POLQ: variants seen among roughly 807,000 people sequenced by gnomAD.
POLQ encodes DNA polymerase theta.
POLQ carries 233 observed loss-of-function variants against 259.2 expected under a neutral mutation model. The ratio of observed to expected loss-of-function variants is 0.90; its 90% CI spans 0.81 to 1.00. The LOEUF (loss-of-function observed/expected upper bound fraction) is 1.00, where lower values mean the gene tolerates loss of function less well. Ranked by LOEUF, POLQ falls within the 50% of genes least tolerant of loss-of-function variation. POLQ has a pLI of 0.00. For missense variants in POLQ, 2,871 were observed against 3,051.6 expected, an observed-to-expected ratio of 0.94 and a Z score of 1.39; for synonymous variants, 1,025 against 1,048.8, an observed-to-expected ratio of 0.98 and a Z score of 0.44.
chr3:121,444,022 T>TA (rs2047613822), intron 26 of POLQ, among the ~76,000 whole-genome samples: 1 of 152,182 alleles, frequency 6.6e-6, no homozygotes. Flanking sequence ...GTAATGTGAT[T>TA]TCTCCAGTTT....
Position 121,432,332 on chromosome 3 carries a change from C to T in POLQ, c.7745G>A (p.Trp2582Ter), listed in dbSNP as rs2047500869. ...CACATCAAAGTCCTTTAGCTCTCCC[C>T]AGCTGGCGCCTATTTTCACTTTCAC... ...LKVKVKIGAS[W>*]GELKDFDV The change falls in exon 30 of 30, where the codon TGG becomes TAG. Residue 2582 changes from tryptophan (W) to a stop codon, truncating the protein, a stop_gained. Transcript: ENST00000264233. LOFTEE classifies it high-confidence loss of function. The T allele has an allele frequency of 6.2e-7, 1 of 1,607,052 alleles. No homozygotes were observed. Among genetic ancestry groups the T allele is most frequent in the Non-Finnish European group, 8.5e-7 (1 of 1,176,766 alleles).
chr3:121,509,964 C>A, intron 11 of POLQ, 75 bp downstream of exon 11: 1 of 1,165,748 alleles, frequency 8.6e-7, no homozygotes. Context: ...AAGACAATTT[C>A]CATTCACTGA....
At chr3:121,509,842 TG>T in intron 11 of POLQ, 139 bp from the exon 12 acceptor site, 1 of 911,964 alleles carries the variant, frequency 1.1e-6, no homozygotes, top group Non-Finnish European at 1.7e-6. Context: ...AGCATGAAAA[TG>T]TATGAGCAGG....
Position 121,539,418 on chromosome 3 carries a change from T to C in POLQ, c.631+15A>G, listed in dbSNP as rs2048473031. On this transcript the variant is annotated intron_variant, in intron 4 of 29. Coordinates refer to ENST00000264233, the MANE Select transcript of POLQ (RefSeq NM_199420.4). ...TAGCAATAGAAAGTATTTACTTATT[T>C]TCTAACTTTCTTACCTAACAGATCC... The C allele has an allele frequency of 1.9e-6, 3 of 1,572,010 alleles. No homozygotes were observed. Among genetic ancestry groups the C allele is most frequent in the South Asian group, 2.3e-5 (2 of 86,220 alleles).
chr3:121,488,526 T>A lies in POLQ; in HGVS notation c.4405A>T (p.Thr1469Ser). Reference sequence around the variant, plus strand: ...GGAAGACATTCTCCTTCTACACCAGTGGGAGTTCTCTTTTGAGGAATCAGA... The same window carrying A: ...GGAAGACATTCTCCTTCTACACCAGAGGGAGTTCTCTTTTGAGGAATCAGA... Reference protein sequence around the residue: ...ILLIPQKRTPTGVEGECLPVP... With the variant: ...ILLIPQKRTPSGVEGECLPVP... The change falls in exon 16 of 30, where the codon ACT becomes TCT. Residue 1469 changes from threonine to serine, a missense_variant. By Grantham distance (58) the Thr-to-Ser change is moderately conservative. Transcript: ENST00000264233. 2 of 1,611,098 alleles carry A rather than the reference T, an allele frequency of 1.2e-6. No homozygotes were observed. Among genetic ancestry groups the A allele is most frequent in the Non-Finnish European group, 1.7e-6 (2 of 1,179,036 alleles).
chr3:121,535,127 G>A (rs907638750), intron 5 of POLQ, among the ~76,000 whole-genome samples: 1 of 152,100 alleles, frequency 6.6e-6, no homozygotes, highest in Non-Finnish European at 1.5e-5. Context: ...TTATCTGCTT[G>A]TTCTATCACA....
At chr3:121,522,541 G>C (rs2048345160) in intron 7 of POLQ, among the ~76,000 whole-genome samples, 1 of 151,256 alleles carries the variant, frequency 6.6e-6, no homozygotes, top group African/African-American at 2.4e-5. Context: ...TCGATCTCCT[G>C]ACCTCATGAT....
Position 121,473,344 on chromosome 3 carries a change from G to C in POLQ, c.6543+6C>G. 6.2e-7 allele frequency: 1 copy of C among 1,607,720 alleles called. No homozygotes were observed. Among genetic ancestry groups the C allele is most frequent in the South Asian group, 1.1e-5 (1 of 89,310 alleles). The stretch of plus-strand genomic sequence containing the variant: ...TGCCCTGCTCTGTGACTGCCCCAAA[G>C]AGCACCTTACTAGTGCTGAACTGTC... On this transcript the variant is annotated splice_donor_region_variant and intron_variant, in intron 21 of 29. Coordinates refer to ENST00000264233, the MANE Select transcript of POLQ (RefSeq NM_199420.4).
intron 19 of POLQ, among the ~76,000 whole-genome samples, 186 bp downstream of exon 19, chr3:121,481,386 T>G (rs1234266571): frequency 2.0e-5 from 3 of 152,260 alleles, no homozygotes; most frequent in Non-Finnish European, 4.4e-5. Context: ...GTTGAGTATT[T>G]GTGATAGAGA....
intron 6 of POLQ, among the ~76,000 whole-genome samples, chr3:121,530,807 G>A (rs1342274641): frequency 6.6e-6 from 1 of 152,148 alleles, no homozygotes. Context: ...TCTAGGTACT[G>A]GGGATGGAGC....
At chr3:121,469,134 G>A (rs1481582624) in intron 22 of POLQ, among the ~76,000 whole-genome samples, 2 of 144,890 alleles carry the variant, frequency 1.4e-5, no homozygotes, top group Non-Finnish European at 3.0e-5. Context: ...GTTGCACTGA[G>A]CCGAGATCAT....
intron 9 of POLQ, among the ~76,000 whole-genome samples, chr3:121,519,268 T>C (rs2048319534): frequency 6.6e-6 from 1 of 151,196 alleles, no homozygotes; most frequent in East Asian, 1.9e-4. Context: ...TAATAAGAAG[T>C]CATCTTGATT....
intron 9 of POLQ, among the ~76,000 whole-genome samples, chr3:121,518,926 G>C (rs1423189685): frequency 6.6e-6 from 1 of 152,096 alleles, no homozygotes; most frequent in African/African-American, 2.4e-5. Flanking sequence ...CAGCACGTTA[G>C]AAATAAAATT....
At chr3:121,535,672 C>T (rs1576429310) in intron 5 of POLQ, among the ~76,000 whole-genome samples, 5 of 147,284 alleles carry the variant, frequency 3.4e-5, no homozygotes, top group South Asian at 2.1e-4. Flanking sequence ...GCCGAGATCA[C>T]GCCACTTCAC....
chr3:121,519,749 C>T (rs1173761110), intron 9 of POLQ, 122 bp downstream of exon 9: 17 of 688,046 alleles, frequency 2.5e-5, no homozygotes, highest in Admixed American at 1.1e-4. Context: ...AATGATGACA[C>T]TAGTGCATTG....
chr3:121,489,583 T>A lies in POLQ; in HGVS notation c.3348A>T (p.Leu1116Phe). The A allele has an allele frequency of 6.2e-7, 1 of 1,613,084 alleles. No homozygotes were observed. The highest frequency in any genetic ancestry group is 2.2e-5 in the East Asian group (1 of 44,880). Residue 1116 changes from leucine (L) to phenylalanine (F), a missense_variant, in exon 16 of 30, where the codon TTA (leucine) becomes TTT (phenylalanine). By Grantham distance (22) the Leu-to-Phe change is conservative. Around this residue, in one of 3 missense-constraint regions of POLQ, gnomAD observed 2,080 missense variants for 2,126.0 expected, o/e 0.98. Transcript: ENST00000264233. ...KEKDNKTSFP[L>F]QIKQNCSWNI... ...TCCATGAACAATTTTGCTTTATTTG[T>A]AATGGGAATGATGTTTTATTATCTT...
chr3:121,515,677 G>A (rs529813240), intron 9 of POLQ, among the ~76,000 whole-genome samples: 1 of 152,344 alleles, frequency 6.6e-6, no homozygotes, highest in South Asian at 2.1e-4. Flanking sequence ...GGCTAGACAA[G>A]TGAAGTTCTA....
chr3:121,434,223 C>A (rs1443062602), intron 28 of POLQ, among the ~76,000 whole-genome samples: 1 of 152,194 alleles, frequency 6.6e-6, no homozygotes, highest in Non-Finnish European at 1.5e-5. Context: ...TCATGCTCAC[C>A]TTCCTTTCAT....
chr3:121,527,041 C>A (rs2048378720), intron 7 of POLQ, among the ~76,000 whole-genome samples: 1 of 151,834 alleles, frequency 6.6e-6, no homozygotes, highest in African/African-American at 2.4e-5. Flanking sequence ...GTAGCTGGAA[C>A]TATAGGCACA....
Sources: allele counts gnomAD v4.1 joint callset (sites outside exome capture counted in the v4.1 genomes callset), GRCh38; gene constraint gnomAD v4.1.1; regional missense constraint gnomAD v4.1.1; transcripts MANE v1.5; gene names NCBI Gene and HGNC (gene_info 2026-07-23, HGNC 2026-07-21).